POP5: variants seen among roughly 807,000 people sequenced by gnomAD.
POP5 encodes the protein ribonuclease P/MRP protein subunit POP5.
Under a neutral mutation model 20.7 loss-of-function variants are expected in POP5, and 18 were observed. The ratio of observed to expected loss-of-function variants is 0.87; its 90% confidence interval spans 0.60 to 1.29. POP5 has a LOEUF of 1.29. POP5 is among the 50% of genes most tolerant of loss of function. The pLI is 0.00. For missense variants in POP5, 200 were observed against 203.2 expected (o/e 0.98, Z 0.10); for synonymous variants, 91 against 78.0 (o/e 1.17, Z -0.88).
rs183057481 is a variant in POP5, at chr12:120,579,284, G to A, written c.*34C>T. On this transcript the variant is annotated 3_prime_UTR_variant, in exon 5 of 5. Coordinates refer to ENST00000357500, the MANE Select transcript of POP5 (RefSeq NM_015918.4). ...TGTTCAACAAGTGGGCCTGAAGCCT[G>A]AGCAGTGTAGCCAGCTGTGTGGGGA... The A allele has an allele frequency of 2.5e-6, 4 of 1,578,198 alleles. No individual in the cohort carries two copies. Among genetic ancestry groups the A allele is most frequent in the South Asian group, 2.2e-5 (2 of 90,264 alleles).
chr12:120,580,962 T>C, intron 2 of POP5, 153 bp downstream of exon 2: 1 of 1,254,596 alleles, frequency 8.0e-7, no homozygotes, highest in Non-Finnish European at 1.1e-6. Context: ...AATTTCGGAC[T>C]CTCGCTTGGG....
chr12:120,580,112 C>T (rs781336449), intron 2 of POP5, 189 bp from the exon 3 acceptor site: 35 of 525,094 alleles, frequency 6.7e-5, no homozygotes, highest in Non-Finnish European at 1.0e-4. Context: ...TGTGGTGGTG[C>T]GCACCTGTAA....
At chr12:120,580,893 AAAG>A in intron 2 of POP5, 1 of 627,900 alleles carries the variant, frequency 1.6e-6, no homozygotes, top group Non-Finnish European at 2.7e-6. Context: ...AAGCAGGTAA[AAAG>A]AGGCTTCTAG....
intron 3 of POP5, 87 bp from the exon 4 acceptor site, chr12:120,579,684 G>T: frequency 1.3e-6 from 2 of 1,548,036 alleles, no homozygotes; most frequent in Non-Finnish European, 1.8e-6. Flanking sequence ...TCTTGTTAGC[G>T]GGACAGCAGC....
rs181041532 is a variant in POP5, at chr12:120,581,166, C to A, written c.112G>T (p.Ala38Ser). The part of the protein sequence containing the change: ...VLSSLVRDTI[A>S]RVHGTFGAAA... Reference sequence around the variant, plus strand: ...GCGCCGAAAGTTCCGTGCACCCTGGCGATCGTGTCCCGTACGAGGCTGCTC... The same window carrying A: ...GCGCCGAAAGTTCCGTGCACCCTGGAGATCGTGTCCCGTACGAGGCTGCTC... The change falls in exon 2 of 5, where the codon GCC becomes TCC. Residue 38 changes from alanine to serine, a missense_variant. Coordinates refer to ENST00000357500, the MANE Select transcript of POP5 (RefSeq NM_015918.4). 1.1e-4 allele frequency: 172 copies of A among 1,613,720 alleles called. 1 individual carries two copies. The Middle Eastern group carries it at 1.5e-3, about 14-fold the overall frequency.
chr12:120,579,700 C>G, intron 3 of POP5, 74 bp downstream of exon 3: 1 of 1,551,000 alleles, frequency 6.4e-7, no homozygotes, highest in Non-Finnish European at 8.9e-7. Context: ...GCAGCAAGAC[C>G]CACCCACCAG....
At chr12:120,580,607 C>G (rs193030967) in intron 2 of POP5, 476 of 159,140 alleles carry the variant, frequency 3.0e-3, no homozygotes, top group Admixed American at 5.9e-3. Context: ...AGAAGTCAAT[C>G]TCAAACAAGG....
intron 2 of POP5, chr12:120,580,776 T>C (rs970468380): frequency 6.5e-6 from 2 of 305,464 alleles, no homozygotes; most frequent in Non-Finnish European, 6.1e-6. Context: ...ATGATGTTAA[T>C]GTAATCGGTC....
In POP5 at chr12:120,579,321, C is replaced by A; in HGVS notation, c.489G>T (p.Glu163Asp). ...ESGEEAAEAM[E>D] is the part of the protein sequence containing the mutation. ...CAGCTGTGTGGGGAGCAGAGGTTCA[C>A]TCCATTGCTTCTGCAGCCTCCTCAC... Residue 163 changes from glutamate (E) to aspartate (D), a missense_variant, in exon 5 of 5, where the codon GAG (glutamate) becomes GAT (aspartate). Transcript: ENST00000357500. 6.2e-7 allele frequency: 1 copy of A among 1,613,550 alleles called. No individual in the cohort carries two copies. Among genetic ancestry groups the A allele is most frequent in the Non-Finnish European group, 8.5e-7 (1 of 1,179,476 alleles).
chr12:120,581,072 C>T, intron 2 of POP5, 43 bp downstream of exon 2: 2 of 1,596,750 alleles, frequency 1.3e-6, no homozygotes, highest in South Asian at 2.2e-5. Flanking sequence ...CTCCACATCC[C>T]GCCATCCTCC....
At chr12:120,579,440 A>G (rs509445) in intron 4 of POP5, 28 bp from the exon 5 acceptor site, 2 of 1,609,008 alleles carry the variant, frequency 1.2e-6, no homozygotes, top group African/African-American at 2.7e-5. Context: ...CAGGGATGAA[A>G]GATATCTTTG....
In POP5 at chr12:120,581,368, C is replaced by T. The variant is rs200418524; in HGVS notation, c.-6G>A. The T allele has an allele frequency of 3.7e-6, 6 of 1,611,922 alleles. No homozygotes were observed. The South Asian group carries it at 5.5e-5, about 15-fold the overall frequency. ...CTGTGCTTGAACCGCACCATGGCTG[C>T]CTCCGCGCTCTCCGGTCCGGCGTGC... On this transcript the variant is annotated 5_prime_UTR_variant, in exon 1 of 5. Transcript: ENST00000357500.
At position 120,579,227 on chromosome 12, in the gene POP5, T is replaced by C. The variant is rs1309173992; in HGVS notation, c.*91A>G. On this transcript the variant is annotated 3_prime_UTR_variant, in exon 5 of 5. Coordinates refer to ENST00000357500, the MANE Select transcript of POP5 (RefSeq NM_015918.4). ...TTGGCAGCTATCCAGTTTGGAAAACTGTGGAAGATGCTGTTGCTACCCAGA... is the reference window on the plus strand; with the variant it reads ...TTGGCAGCTATCCAGTTTGGAAAACCGTGGAAGATGCTGTTGCTACCCAGA... The C allele has an allele frequency of 8.6e-7, 1 of 1,157,902 alleles. No individual in the cohort carries two copies. Among genetic ancestry groups the C allele is most frequent in the Admixed American group, 1.7e-5 (1 of 57,964 alleles). 71.7% of individuals were successfully genotyped at this position (1,157,902 alleles called of 1,614,324 possible).
In POP5 at chr12:120,581,347, G is replaced by A. The variant is rs1593132471; in HGVS notation, c.16C>T (p.His6Tyr). The A allele has an allele frequency of 1.2e-6, 2 of 1,613,580 alleles. No homozygotes were observed. The highest frequency in any genetic ancestry group is 1.7e-6 in the Non-Finnish European group (2 of 1,179,824). Residue 6 changes from histidine (H) to tyrosine (Y), a missense_variant, in exon 1 of 5, where the codon CAC (histidine) becomes TAC (tyrosine). Transcript: ENST00000357500. The stretch of plus-strand genomic sequence containing the variant: ...GGTCTGGAAGGGAATGCTTACCTGT[G>A]CTTGAACCGCACCATGGCTGCCTCC... MVRFK[H>Y]RYLLCELVSD...
At position 120,579,879 on chromosome 12, in the gene POP5, T is replaced by C. The variant is rs1341548069; in HGVS notation, c.208A>G (p.Arg70Gly). 1.9e-6 allele frequency: 3 copies of C among 1,612,424 alleles called. No homozygotes were observed. The highest frequency in any genetic ancestry group is 2.5e-6 in the Non-Finnish European group (3 of 1,178,500). ...AYTGIVLLRCRKEFYQLVWSA... is the reference protein window; with the variant it reads ...AYTGIVLLRCGKEFYQLVWSA... ...CACACAAGCTGATAGAATTCTTTTC[T>C]GCATCGAAGTAGCACTATTCCAGTA... Residue 70 changes from arginine to glycine, a missense_variant, in exon 3 of 5, where the codon AGA (arginine) becomes GGA (glycine). Physicochemically the swap from Arg to Gly is moderately radical, Grantham distance 125 (BLOSUM62 -2). Coordinates refer to ENST00000357500, the MANE Select transcript of POP5 (RefSeq NM_015918.4).
rs1160416544 is a variant in POP5 at position 120,579,393 on chromosome 12, C to G, written c.417G>C (p.Gln139His). 1.1e-5 allele frequency: 18 copies of G among 1,614,126 alleles called. No homozygotes were observed. The highest frequency in any genetic ancestry group is 1.7e-5 in the Admixed American group (1 of 60,020). Residue 139 changes from glutamine to histidine, a missense_variant, in exon 5 of 5, where the codon CAG becomes CAC. By Grantham distance (24) the Gln-to-His change is conservative. Transcript: ENST00000357500. ...CTDEGEREAI[Q>H]KSVTRSCLLE... Reference sequence around the variant, plus strand: ...ATAAGCAGCTTCTTGTCACAGACTTCTGGATAGCTTCCCGCTCTCCTGGAG... The same window carrying G: ...ATAAGCAGCTTCTTGTCACAGACTTGTGGATAGCTTCCCGCTCTCCTGGAG...
rs556407055 is a variant in POP5 at position 120,579,273 on chromosome 12, G to A, written c.*45C>T. 1.3e-6 allele frequency: 2 copies of A among 1,523,750 alleles called. No individual in the cohort carries two copies. The highest frequency in any genetic ancestry group is 1.8e-6 in the Non-Finnish European group (2 of 1,098,568). The allele number at this position is 1,523,750 out of a possible 1,614,324, so 94.4% of individuals were successfully genotyped here. ...CCAGATTGTTCTGTTCAACAAGTGG[G>A]CCTGAAGCCTGAGCAGTGTAGCCAG... On this transcript the variant is annotated 3_prime_UTR_variant, in exon 5 of 5. Transcript: ENST00000357500.
chr12:120,581,274 G>C lies in POP5; in HGVS notation c.21-17C>G. The C allele has an allele frequency of 1.2e-6, 2 of 1,614,208 alleles. No individual in the cohort carries two copies. Among genetic ancestry groups the C allele is most frequent in the African/African-American group, 1.3e-5 (1 of 75,072 alleles). On this transcript the variant is annotated splice_polypyrimidine_tract_variant and intron_variant, in intron 1 of 4. Transcript: ENST00000357500. ...AGCAGGTACCTGCGGCAGGCGAGAG[G>C]AAGGTGGACACTAGCGGGGCCGCGA...
intron 4 of POP5, 24 bp from the exon 5 acceptor site, chr12:120,579,436 T>C: frequency 6.2e-7 from 1 of 1,610,128 alleles, no homozygotes; most frequent in South Asian, 1.1e-5. Context: ...ATAACAGGGA[T>C]GAAAGATATC....
Sources: allele counts gnomAD v4.1 joint callset, GRCh38; gene constraint gnomAD v4.1.1; transcripts MANE v1.5; gene names NCBI Gene and HGNC (gene_info 2026-07-23, HGNC 2026-07-21).